SEMA3D: variants seen among roughly 807,000 people sequenced by gnomAD.
SEMA3D encodes semaphorin 3D.
A neutral mutation model predicts 100.1 loss-of-function variants in SEMA3D; 84 were observed. The ratio of observed to expected loss-of-function variants is 0.84; its 90% CI spans 0.70 to 1.01. SEMA3D has a LOEUF of 1.01. SEMA3D is among the 50% of genes least tolerant of loss of function. The pLI is 0.00. For missense variants in SEMA3D, 875 were observed against 934.1 expected (o/e 0.94, Z 0.82); for synonymous variants, 312 against 320.7 (o/e 0.97, Z 0.29).
intron 9 of SEMA3D, 68 bp downstream of exon 9, chr7:85,055,645 CATAT>C (rs56131427): frequency 0.052 from 8,292 of 159,060 alleles, 248 homozygotes; most frequent in East Asian, 0.099. Context: ...TTTTCATATA[CATAT>C]ATATATATAT....
chr7:85,216,340 T>A, the SEMA3D span, among the ~76,000 whole-genome samples: 1 of 145,858 alleles, frequency 6.9e-6, no homozygotes, highest in Non-Finnish European at 1.5e-5. Context: ...GTTCAACTTG[T>A]AACACAAATA....
chr7:85,053,802 A>T (rs949405292), intron 9 of SEMA3D, among the ~76,000 whole-genome samples: 5 of 151,806 alleles, frequency 3.3e-5, no homozygotes, highest in South Asian at 2.1e-4. Flanking sequence ...TTAATGAAGA[A>T]CCTCTTTTTT....
At chr7:85,198,929 T>C in the SEMA3D span, among the ~76,000 whole-genome samples, 1 of 151,750 alleles carries the variant, frequency 6.6e-6, no homozygotes, top group Admixed American at 6.6e-5. Flanking sequence ...ACTAAAAATG[T>C]AAATAGCCAT....
chr7:85,143,693 G>C (rs1001304861), intron 2 of SEMA3D, among the ~76,000 whole-genome samples: 5 of 151,554 alleles, frequency 3.3e-5, no homozygotes, highest in African/African-American at 1.2e-4. Context: ...ATCGTCTAGT[G>C]CTCTCTAGTA....
At chr7:85,221,907 T>C in the SEMA3D span, among the ~76,000 whole-genome samples, 1 of 152,066 alleles carries the variant, frequency 6.6e-6, no homozygotes, top group Non-Finnish European at 1.5e-5. Flanking sequence ...CATAGGTTAA[T>C]ATGTATATTA....
At chr7:85,051,662 A>G (rs1293090387) in intron 9 of SEMA3D, among the ~76,000 whole-genome samples, 2 of 152,128 alleles carry the variant, frequency 1.3e-5, no homozygotes, top group East Asian at 3.9e-4. Flanking sequence ...ACTGAGCCTC[A>G]GGTTATATTT....
chr7:85,220,330 C>CTT, the SEMA3D span, among the ~76,000 whole-genome samples: 21,061 of 134,770 alleles, frequency 0.16, 1,945 homozygotes, highest in Non-Finnish European at 0.23. Flanking sequence ...TTTCAGGTTC[C>CTT]TTTTTTTTTT....
In SEMA3D at chr7:85,118,977, A is replaced by G. The variant is rs1562825181; in HGVS notation, c.151+2764T>C. ...ATGAACAGACACTTTTCAAGAGAAC[A>G]CATACATGTGGGCAACAATCATGTG... On this transcript the variant is annotated intron_variant, in intron 3 of 18. Transcript: ENST00000284136. 2.0e-5 allele frequency among the ~76,000 whole-genome samples: 3 copies of G among 151,578 alleles called. No individual in the cohort carries two copies. In the South Asian group the frequency reaches 6.3e-4, roughly 32 times the overall value.
intron 2 of SEMA3D, among the ~76,000 whole-genome samples, chr7:85,132,944 T>C (rs1789767229): frequency 6.6e-6 from 1 of 151,964 alleles, no homozygotes; most frequent in Non-Finnish European, 1.5e-5. Context: ...CCTGGACTAA[T>C]ATATTCGTGT....
At chr7:85,111,722 C>T (rs550640332) in intron 3 of SEMA3D, among the ~76,000 whole-genome samples, 2 of 152,098 alleles carry the variant, frequency 1.3e-5, no homozygotes, top group Non-Finnish European at 2.9e-5. Flanking sequence ...CAGTGGATTC[C>T]CATAATACTC....
At chr7:85,026,861 G>C (rs938348063) in intron 12 of SEMA3D, among the ~76,000 whole-genome samples, 3 of 152,062 alleles carry the variant, frequency 2.0e-5, no homozygotes, top group Admixed American at 6.6e-5. Flanking sequence ...GAGAAAACAG[G>C]GTAGCTAAAA....
chr7:85,015,003 T>C lies in SEMA3D; in HGVS notation c.1703+56A>G, dbSNP rs1584524721. The C allele has an allele frequency of 6.8e-6, 9 of 1,316,268 alleles. No individual in the cohort carries two copies. In the East Asian group the frequency reaches 2.1e-4, roughly 31 times the overall value. The allele number at this position is 1,316,268 out of a possible 1,614,324, so 81.5% of individuals were successfully genotyped here. On this transcript the variant is annotated intron_variant, in intron 16 of 18. Coordinates refer to ENST00000284136, the MANE Select transcript of SEMA3D (RefSeq NM_001384900.1). ...TAAACTATAAGACAAAGCATTAATG[T>C]GAGATATTCAGCTTGTAGAAAGGAA...
At chr7:85,012,382 A>G (rs1422348692) in intron 17 of SEMA3D, among the ~76,000 whole-genome samples, 2 of 151,526 alleles carry the variant, frequency 1.3e-5, no homozygotes, top group Non-Finnish European at 3.0e-5. Flanking sequence ...CTACCTAAAA[A>G]CTTTTTTCTA....
chr7:85,073,088 G>A lies in SEMA3D; in HGVS notation c.376-7C>T. The A allele has an allele frequency of 6.2e-7, 1 of 1,610,756 alleles. No individual in the cohort carries two copies. The highest frequency in any genetic ancestry group is 8.5e-7 in the Non-Finnish European group (1 of 1,179,046). On this transcript the variant is annotated splice_polypyrimidine_tract_variant and splice_region_variant and intron_variant, in intron 5 of 18. Transcript: ENST00000284136. ...TGAAATTTGCACATTCTGTCTGTTG[G>A]GCACAAAAATTAAAAGCATTAACAC...
intron 1 of SEMA3D, among the ~76,000 whole-genome samples, chr7:85,179,103 G>T (rs1006241619): frequency 6.6e-6 from 1 of 152,250 alleles, no homozygotes; most frequent in Non-Finnish European, 1.5e-5. Flanking sequence ...TGCTGCAGGA[G>T]AAGAGCCCTC....
At chr7:85,050,748 C>A (rs1791141298) in intron 9 of SEMA3D, 2 of 522,288 alleles carry the variant, frequency 3.8e-6, no homozygotes, top group Middle Eastern at 2.7e-4. Flanking sequence ...AGCACAAATT[C>A]TCCTAAAGAT....
intron 9 of SEMA3D, chr7:85,050,779 C>T (rs1156699493): frequency 6.1e-6 from 3 of 495,396 alleles, no homozygotes; most frequent in Admixed American, 7.7e-5. Context: ...AATAATGTAA[C>T]TTCAGCCTTT....
intron 2 of SEMA3D, among the ~76,000 whole-genome samples, chr7:85,145,868 CT>C (rs1362656899): frequency 1.3e-5 from 2 of 152,112 alleles, no homozygotes; most frequent in Admixed American, 6.6e-5. Context: ...ACCTCTTCCC[CT>C]ATACATTTTT....
intron 3 of SEMA3D, among the ~76,000 whole-genome samples, chr7:85,102,212 T>C (rs1788769056): frequency 6.6e-6 from 1 of 151,896 alleles, no homozygotes; most frequent in African/African-American, 2.4e-5. Context: ...GAAAGACAGA[T>C]AGAATTTTGA....
Sources: allele counts gnomAD v4.1 joint callset (sites outside exome capture counted in the v4.1 genomes callset), GRCh38; gene constraint gnomAD v4.1.1; transcripts MANE v1.5; gene names NCBI Gene and HGNC (gene_info 2026-07-23, HGNC 2026-07-21).